Variants in XPNPEP3 observed in about 807,000 individuals in gnomAD.
XPNPEP3 encodes the protein X-prolyl aminopeptidase 3.
A neutral mutation model predicts 60.0 loss-of-function variants in XPNPEP3; 41 were observed. The ratio of observed to expected loss-of-function variants is 0.68; its 90% CI spans 0.53 to 0.89. The LOEUF is 0.89. Among genes scored for constraint, XPNPEP3 ranks in the 40% least tolerant of loss-of-function variants. The pLI is 0.00. For synonymous variants in XPNPEP3, 212 were observed against 223.2 expected, an observed-to-expected ratio of 0.95 and a Z score of 0.45; for missense variants, 598 against 638.9, an observed-to-expected ratio of 0.94 and a Z score of 0.69.
chr22:40,907,177 T>A (rs1259243115), intron 4 of XPNPEP3: 8 of 457,672 alleles, frequency 1.7e-5, no homozygotes, highest in Non-Finnish European at 3.1e-5. Context: ...TTCCCATCAC[T>A]TTGGGAGGCC....
chr22:40,884,398 C>T (rs1473501625), intron 3 of XPNPEP3, among the ~76,000 whole-genome samples: 4 of 150,996 alleles, frequency 2.6e-5, no homozygotes, highest in Non-Finnish European at 5.9e-5. Context: ...GGCACCATCT[C>T]GGCTCACTGC....
At chr22:40,911,836 G>A (rs918978064) in intron 6 of XPNPEP3, among the ~76,000 whole-genome samples, 10 of 152,210 alleles carry the variant, frequency 6.6e-5, no homozygotes, top group East Asian at 1.9e-4. Flanking sequence ...CACCATGCCC[G>A]TCCTATTGTA....
intron 7 of XPNPEP3, among the ~76,000 whole-genome samples, chr22:40,918,256 C>A (rs1396061505): frequency 6.6e-6 from 1 of 152,038 alleles, no homozygotes; most frequent in East Asian, 1.9e-4. Context: ...CACCTGTAAT[C>A]CCAGCTACTT....
intron 1 of XPNPEP3, among the ~76,000 whole-genome samples, chr22:40,857,670 G>A (rs1312178973): frequency 6.6e-6 from 1 of 152,252 alleles, no homozygotes; most frequent in African/African-American, 2.4e-5. Context: ...AGAGGTAACT[G>A]TTTCGAAATA....
At chr22:40,857,929 G>T (rs1221142625) in intron 1 of XPNPEP3, among the ~76,000 whole-genome samples, 1 of 152,102 alleles carries the variant, frequency 6.6e-6, no homozygotes, top group Non-Finnish European at 1.5e-5. Context: ...GCTATGTCTT[G>T]GCATATGTTT....
intron 9 of XPNPEP3, among the ~76,000 whole-genome samples, chr22:40,925,238 A>T (rs1397551307): frequency 6.6e-6 from 1 of 152,200 alleles, no homozygotes; most frequent in Non-Finnish European, 1.5e-5. Context: ...AAAGCTAACA[A>T]TCGGATACGT....
intron 4 of XPNPEP3, among the ~76,000 whole-genome samples, chr22:40,897,167 A>G (rs758189948): frequency 6.6e-6 from 1 of 150,712 alleles, no homozygotes; most frequent in South Asian, 2.1e-4. Context: ...AGCTGGGACT[A>G]CAGGCACCCG....
In XPNPEP3 at chr22:40,922,430, T is replaced by A. The variant is rs1224776157; in HGVS notation, c.1153T>A (p.Tyr385Asn). 1 of 1,613,980 alleles carries A rather than the reference T, an allele frequency of 6.2e-7. No individual in the cohort carries two copies. The highest frequency in any genetic ancestry group is 1.1e-5 in the South Asian group (1 of 91,078). ...CCCTGGGACAAGCTTGGAGAACATC[T>A]ACAGCATGATGCTGACCCTGATAGG... ...CFPGTSLENI[Y>N]SMMLTLIGQK... The change falls in exon 8 of 10, where the codon TAC becomes AAC. Residue 385 changes from tyrosine (Y) to asparagine (N), a missense_variant. By Grantham distance (143) the Tyr-to-Asn change is moderately radical (BLOSUM62 -2). Coordinates refer to ENST00000357137, the MANE Select transcript of XPNPEP3 (RefSeq NM_022098.4).
At chr22:40,859,830 T>G (rs1279674588) in intron 1 of XPNPEP3, 1 of 152,250 alleles carries the variant, frequency 6.6e-6, no homozygotes, top group African/African-American at 2.4e-5. Flanking sequence ...CTGATGTATT[T>G]GTAACCCATC....
At chr22:40,879,888 C>T (rs770032419) in intron 2 of XPNPEP3, among the ~76,000 whole-genome samples, 1 of 150,586 alleles carries the variant, frequency 6.6e-6, no homozygotes, top group Non-Finnish European at 1.5e-5. Flanking sequence ...ATAGTCAGGC[C>T]TGGTGGCTCA....
intron 9 of XPNPEP3, 75 bp downstream of exon 9, chr22:40,924,557 T>G: frequency 6.3e-7 from 1 of 1,582,252 alleles, no homozygotes; most frequent in Non-Finnish European, 8.6e-7. Flanking sequence ...GGAGTTTTGC[T>G]CTTTCGCCCA....
chr22:40,882,298 A>G lies in XPNPEP3; in HGVS notation c.589+121A>G, dbSNP rs1310118008. On this transcript the variant is annotated intron_variant, in intron 3 of 9. Coordinates refer to ENST00000357137, the MANE Select transcript of XPNPEP3 (RefSeq NM_022098.4). ...CCACCATGAAAAGACCATGAGCACC[A>G]TGAAAGAAATGTAAAGTCTTTTTCA... 27 of 1,075,146 alleles carry G rather than the reference A, an allele frequency of 2.5e-5. No homozygotes were observed. The East Asian group carries it at 3.0e-4, about 12-fold the overall frequency. 66.6% of individuals were successfully genotyped at this position (1,075,146 alleles called of 1,614,324 possible). A position where few individuals can be genotyped will look rare whatever the true frequency, so the allele number is the denominator to read the frequency against.
chr22:40,864,097 A>G (rs2145770143), intron 1 of XPNPEP3, among the ~76,000 whole-genome samples: 1 of 152,332 alleles, frequency 6.6e-6, no homozygotes, highest in South Asian at 2.1e-4. Flanking sequence ...AAGAATGGCT[A>G]CTCCATAGGC....
intron 4 of XPNPEP3, among the ~76,000 whole-genome samples, chr22:40,902,890 G>A (rs761834179): frequency 5.3e-5 from 8 of 152,128 alleles, no homozygotes; most frequent in Non-Finnish European, 1.2e-4. Flanking sequence ...TTCTCCCTAC[G>A]TAAGGGCTTG....
intron 1 of XPNPEP3, among the ~76,000 whole-genome samples, chr22:40,863,556 A>G (rs1436120427): frequency 6.6e-6 from 1 of 152,086 alleles, no homozygotes; most frequent in East Asian, 1.9e-4. Context: ...ATATATACTC[A>G]TTTTTTAGAG....
At chr22:40,908,718 A>T (rs1601515255) in intron 5 of XPNPEP3, among the ~76,000 whole-genome samples, 1 of 152,346 alleles carries the variant, frequency 6.6e-6, no homozygotes, top group East Asian at 1.9e-4. Context: ...AATGTAAGTC[A>T]CATTTCAGTG....
intron 7 of XPNPEP3, among the ~76,000 whole-genome samples, chr22:40,914,924 G>A (rs1281063564): frequency 1.2e-4 from 18 of 151,882 alleles, no homozygotes; most frequent in Admixed American, 1.2e-3. Flanking sequence ...TTCACGTGCA[G>A]GTATGAGATG....
intron 7 of XPNPEP3, among the ~76,000 whole-genome samples, chr22:40,921,657 G>A (rs569817006): frequency 1.4e-4 from 22 of 152,134 alleles, no homozygotes; most frequent in East Asian, 5.8e-4. Flanking sequence ...AAATTACAGC[G>A]AACATTTTAG....
intron 4 of XPNPEP3, among the ~76,000 whole-genome samples, chr22:40,896,028 G>T (rs551587018): frequency 1.3e-5 from 2 of 152,242 alleles, no homozygotes; most frequent in South Asian, 4.1e-4. Context: ...ACAGCATTTT[G>T]ACATCTAATG....
Sources: gnomAD v4.1 joint callset for allele counts (sites outside exome capture counted in the v4.1 genomes callset) on GRCh38, gnomAD v4.1.1 for gene constraint, MANE v1.5 for transcripts, NCBI Gene and HGNC (gene_info 2026-07-23, HGNC 2026-07-21) for gene names.